The following CAST variants were observed in gnomAD, a reference collection of about 807,000 sequenced individuals.
The protein encoded by CAST is calpastatin.
Under a neutral mutation model 119.6 loss-of-function variants are expected in CAST, and 76 were observed. The ratio of observed to expected loss-of-function variants is 0.64; its 90% CI spans 0.53 to 0.77. CAST has a LOEUF of 0.77. Among genes scored for constraint, CAST ranks in the 30% least tolerant of loss-of-function variants. The pLI, the probability that CAST is intolerant of heterozygous loss-of-function variation, is 0.00. For missense variants in CAST, 953 were observed against 946.5 expected (o/e 1.01, Z -0.09); for synonymous variants, 319 against 331.6 (o/e 0.96, Z 0.41).
the CAST span, among the ~76,000 whole-genome samples, chr5:96,024,309 C>CAT: frequency 6.6e-6 from 1 of 152,096 alleles, no homozygotes; most frequent in East Asian, 1.9e-4. Flanking sequence ...GGGAGGAAAA[C>CAT]ATATTTACAT....
At chr5:96,002,964 A>C in the CAST span, among the ~76,000 whole-genome samples, 1 of 152,200 alleles carries the variant, frequency 6.6e-6, no homozygotes, top group Non-Finnish European at 1.5e-5. Context: ...GACCAGGCAC[A>C]GTAGCTCATG....
At chr5:96,430,197 G>T in the CAST span, among the ~76,000 whole-genome samples, 1 of 152,092 alleles carries the variant, frequency 6.6e-6, no homozygotes, top group Non-Finnish European at 1.5e-5. Flanking sequence ...ACTTCTCCGG[G>T]TATCTATTGA....
rs144714739 is a variant in CAST, at chr5:96,597,893, G to A, written c.60+68013G>A. Among the ~76,000 whole-genome samples, 755 of 151,710 alleles carry A rather than the reference G, an allele frequency of 5.0e-3. 6 individuals are homozygous for A. The highest frequency in any genetic ancestry group is 0.01 in the Middle Eastern group (3 of 294). On this transcript the variant is annotated intron_variant, in intron 1 of 11. Transcript: ENST00000505143. ...TGAGTCACCCCAGTGAGGATCTGGA[G>A]GGGTGGAAGAAGAAAAGAAAGGGGG... is the stretch of plus-strand genomic sequence containing the variant.
the CAST span, among the ~76,000 whole-genome samples, chr5:96,108,527 A>G: frequency 6.6e-6 from 1 of 152,156 alleles, no homozygotes. Context: ...CCTCCCAGTT[A>G]GGCTGCTCGG....
At chr5:96,395,245 A>G in the CAST span, among the ~76,000 whole-genome samples, 30 of 152,222 alleles carry the variant, frequency 2.0e-4, no homozygotes, top group African/African-American at 6.8e-4. Context: ...ATTTAATTTA[A>G]AAATCAGAAA....
At chr5:96,009,256 G>C in the CAST span, among the ~76,000 whole-genome samples, 2 of 152,156 alleles carry the variant, frequency 1.3e-5, no homozygotes, top group African/African-American at 2.4e-5. Context: ...ATTGTGAATA[G>C]CATGGCAATG....
At chr5:96,696,700 T>G (rs150683922) in intron 3 of CAST, among the ~76,000 whole-genome samples, 1 of 34,618 alleles carries the variant, frequency 2.9e-5, no homozygotes, top group African/African-American at 7.5e-5. Flanking sequence ...AAAAAAAAAA[T>G]TAAAAATTAG....
At chr5:96,320,160 C>G in the CAST span, among the ~76,000 whole-genome samples, 1 of 150,020 alleles carries the variant, frequency 6.7e-6, no homozygotes, top group Non-Finnish European at 1.5e-5. Flanking sequence ...AAGAAAGTTA[C>G]AGCATTCAAA....
the CAST span, among the ~76,000 whole-genome samples, chr5:96,083,774 C>G: frequency 6.6e-6 from 1 of 152,152 alleles, no homozygotes; most frequent in East Asian, 1.9e-4. Flanking sequence ...TCAGTGTACC[C>G]TGTCAGCTGC....
At chr5:96,654,563 G>A (rs1748132904) in intron 1 of CAST, among the ~76,000 whole-genome samples, 2 of 152,254 alleles carry the variant, frequency 1.3e-5, no homozygotes, top group South Asian at 2.1e-4. Context: ...GTTTTCAGTG[G>A]TTTGAAGGAA....
At chr5:96,493,113 C>T in the CAST span, among the ~76,000 whole-genome samples, 1 of 152,152 alleles carries the variant, frequency 6.6e-6, no homozygotes. Context: ...AGGATAGAAA[C>T]AGTGCTTTAT....
At chr5:96,692,614 T>A (rs892846469) in intron 2 of CAST, among the ~76,000 whole-genome samples, 4 of 152,124 alleles carry the variant, frequency 2.6e-5, no homozygotes, top group Admixed American at 6.6e-5. Flanking sequence ...CTAGAATGCC[T>A]CCTTTCCCTC....
the CAST span, among the ~76,000 whole-genome samples, chr5:96,300,184 C>A: frequency 6.6e-6 from 1 of 152,030 alleles, no homozygotes; most frequent in Non-Finnish European, 1.5e-5. Flanking sequence ...TTTCACAGAC[C>A]AATGTTGTAT....
chr5:96,336,103 A>G, the CAST span, among the ~76,000 whole-genome samples: 1 of 151,580 alleles, frequency 6.6e-6, no homozygotes, highest in Non-Finnish European at 1.5e-5. Flanking sequence ...TGCTAAAGTC[A>G]TTCTGAATCT....
At chr5:96,429,174 G>A in the CAST span, 4 of 1,013,270 alleles carry the variant, frequency 3.9e-6, no homozygotes, top group South Asian at 3.9e-5. Flanking sequence ...AAGCAGATAA[G>A]CTAGAGTATT....
At chr5:96,722,612 CTTTCTA>C in intron 3 of CAST, 21 bp from the exon 4 acceptor site, 1 of 1,553,648 alleles carries the variant, frequency 6.4e-7, no homozygotes, top group Non-Finnish European at 8.9e-7. Flanking sequence ...TAGAATCGAA[CTTTCTA>C]TTTCTTTCTT....
At chr5:96,549,917 C>T (rs1199710310) in intron 1 of CAST, among the ~76,000 whole-genome samples, 1 of 152,210 alleles carries the variant, frequency 6.6e-6, no homozygotes, top group East Asian at 1.9e-4. Flanking sequence ...TTGAACTGGG[C>T]AGAGCCCACT....
At chr5:96,104,061 G>A in the CAST span, among the ~76,000 whole-genome samples, 9 of 152,158 alleles carry the variant, frequency 5.9e-5, no homozygotes, top group East Asian at 1.9e-4. Flanking sequence ...CATGTCCTTC[G>A]CCCACTTTTT....
intron 1 of CAST, among the ~76,000 whole-genome samples, chr5:96,599,875 T>C (rs1313802888): frequency 6.6e-6 from 1 of 151,504 alleles, no homozygotes; most frequent in African/African-American, 2.4e-5. Context: ...CTTTTTCTGC[T>C]CTTTCTCTCC....
Sources: gnomAD v4.1 joint callset for allele counts (sites outside exome capture counted in the v4.1 genomes callset) on GRCh38, gnomAD v4.1.1 for gene constraint, MANE v1.5 for transcripts, NCBI Gene and HGNC (gene_info 2026-07-23, HGNC 2026-07-21) for gene names.